The following RNF220 variants were observed in gnomAD, a reference collection of about 807,000 sequenced individuals.
RNF220 encodes ring finger protein 220.
Under a neutral mutation model 67.1 loss-of-function variants are expected in RNF220, and 7 were observed. The ratio of observed to expected loss-of-function variants is 0.10; its 90% CI spans 0.06 to 0.20. The LOEUF is 0.20. Ranked by LOEUF, RNF220 falls within the 10% of genes least tolerant of loss-of-function variation. The pLI is 1.00. For synonymous variants in RNF220, 270 were observed against 283.2 expected (o/e 0.95, Z 0.47); for missense variants, 565 against 740.3 (o/e 0.76, Z 2.75).
chr1:44,559,216 C>A (rs958009278), intron 2 of RNF220, among the ~76,000 whole-genome samples: 4 of 152,234 alleles, frequency 2.6e-5, no homozygotes, highest in African/African-American at 9.6e-5. Flanking sequence ...CCAACATCCC[C>A]CAGCCCCAGT....
intron 3 of RNF220, among the ~76,000 whole-genome samples, chr1:44,616,913 T>G (rs1304225921): frequency 6.6e-6 from 1 of 152,166 alleles, no homozygotes. Context: ...CATGCACTTC[T>G]GCCAACAGCC....
At chr1:44,587,404 C>G in intron 2 of RNF220, among the ~76,000 whole-genome samples, 1 of 152,196 alleles carries the variant, frequency 6.6e-6, no homozygotes, top group East Asian at 1.9e-4. Context: ...ACCTCAGCCT[C>G]CCAAATTGCT....
At chr1:44,422,640 G>T (rs1257179472) in intron 2 of RNF220, among the ~76,000 whole-genome samples, 1 of 152,220 alleles carries the variant, frequency 6.6e-6, no homozygotes, top group Non-Finnish European at 1.5e-5. Flanking sequence ...CCTATGAGAA[G>T]TTGAGTGACT....
chr1:44,580,484 T>C (rs1665190348), intron 2 of RNF220, among the ~76,000 whole-genome samples: 1 of 152,228 alleles, frequency 6.6e-6, no homozygotes, highest in South Asian at 2.1e-4. Flanking sequence ...ATCAAACCTT[T>C]TCTGTCTGAG....
chr1:44,520,994 C>G (rs538150424), intron 2 of RNF220, among the ~76,000 whole-genome samples: 1 of 152,292 alleles, frequency 6.6e-6, no homozygotes, highest in South Asian at 2.1e-4. Context: ...CTCCTGGGCT[C>G]AAAGGATCCT....
chr1:44,486,363 CAG>C (rs1253070466), intron 2 of RNF220, among the ~76,000 whole-genome samples: 1 of 152,226 alleles, frequency 6.6e-6, no homozygotes, highest in African/African-American at 2.4e-5. Context: ...GGGCAATAGA[CAG>C]AGGCTCATTC....
intron 5 of RNF220, chr1:44,631,968 A>G (rs1644144780): frequency 2.0e-6 from 2 of 996,264 alleles, no homozygotes; most frequent in Non-Finnish European, 2.4e-6. Context: ...TCACGTGATT[A>G]GGGCCAACAT....
intron 2 of RNF220, among the ~76,000 whole-genome samples, chr1:44,607,750 A>G (rs1444465708): frequency 6.6e-6 from 1 of 151,838 alleles, no homozygotes; most frequent in African/African-American, 2.4e-5. Context: ...CGGCCTCCCA[A>G]AGTGCTGGGA....
At chr1:44,456,400 T>C (rs538090229) in intron 2 of RNF220, among the ~76,000 whole-genome samples, 3 of 152,330 alleles carry the variant, frequency 2.0e-5, no homozygotes, top group South Asian at 4.1e-4. Context: ...GAAAGATCAT[T>C]CACTTTTCAG....
At chr1:44,535,769 G>C (rs1279929620) in intron 2 of RNF220, among the ~76,000 whole-genome samples, 4 of 152,214 alleles carry the variant, frequency 2.6e-5, no homozygotes, top group African/African-American at 9.6e-5. Context: ...AGGTCTGGGA[G>C]ATTGTATGGG....
At chr1:44,596,573 A>AG (rs1666508168) in intron 2 of RNF220, among the ~76,000 whole-genome samples, 1 of 152,126 alleles carries the variant, frequency 6.6e-6, no homozygotes, top group Non-Finnish European at 1.5e-5. Context: ...AAAAAAAAAA[A>AG]TAGTACAGTG....
At chr1:44,582,728 G>T (rs542283517) in intron 2 of RNF220, among the ~76,000 whole-genome samples, 75 of 145,942 alleles carry the variant, frequency 5.1e-4, no homozygotes, top group African/African-American at 1.8e-3. Flanking sequence ...CTGCACTCCA[G>T]CCTGGCCAAC....
Position 44,649,988 on chromosome 1 carries a change from GGCC to G in RNF220, c.1629+34_1629+36del, listed in dbSNP as rs1363641388. 1 of 1,605,062 alleles carries G rather than the reference GGCC, an allele frequency of 6.2e-7. No individual in the cohort carries two copies. Among genetic ancestry groups the G allele is most frequent in the Admixed American group, 1.7e-5 (1 of 59,816 alleles). ...GTGGCATGGGGGTCGGGGAATGGGA[GGCC>G]GCTCCGGGCACTGCCCAGATGTCTG... is the stretch of plus-strand genomic sequence containing the variant. On this transcript the variant is annotated intron_variant, in intron 14 of 14. Coordinates refer to ENST00000361799, the MANE Select transcript of RNF220 (RefSeq NM_018150.4). The surrounding 1 kb of genome is among the most constrained non-coding windows in gnomAD (Gnocchi z 5.9).
intron 2 of RNF220, among the ~76,000 whole-genome samples, chr1:44,415,504 TACACAC>T (rs386366838): frequency 1.3e-5 from 2 of 150,854 alleles, no homozygotes; most frequent in South Asian, 2.1e-4. Context: ...ATGGTTGATA[TACACAC>T]ACACACACAC....
Position 44,621,792 on chromosome 1 carries a change from T to G in RNF220, c.759-950T>G, listed in dbSNP as rs1643806067. Among the ~76,000 whole-genome samples, 1 of 152,230 alleles carries G rather than the reference T, an allele frequency of 6.6e-6. No individual in the cohort carries two copies. Among genetic ancestry groups the G allele is most frequent in the Non-Finnish European group, 1.5e-5 (1 of 68,044 alleles). On this transcript the variant is annotated intron_variant, in intron 3 of 14. Coordinates refer to ENST00000361799, the MANE Select transcript of RNF220 (RefSeq NM_018150.4). The surrounding 1 kb of genome is among the most constrained non-coding windows in gnomAD (Gnocchi z 4.8). ...TCTGCTTTCCGGGTATATCTGCAGG[T>G]GTGCTGTACGTTATACCTCATATGT...
intron 2 of RNF220, among the ~76,000 whole-genome samples, chr1:44,497,388 G>A (rs111230319): frequency 8.1e-4 from 123 of 151,414 alleles, no homozygotes; most frequent in African/African-American, 3.0e-3. Context: ...GTTAATACCT[G>A]GTCATTCTGT....
intron 5 of RNF220, 174 bp from the exon 6 acceptor site, chr1:44,632,169 G>A: frequency 6.4e-7 from 1 of 1,560,594 alleles, no homozygotes; most frequent in Non-Finnish European, 8.7e-7. Flanking sequence ...CGAGAGCCCG[G>A]AGCGGCCGGA....
intron 2 of RNF220, among the ~76,000 whole-genome samples, chr1:44,492,480 A>G (rs535600167): frequency 6.6e-6 from 1 of 152,262 alleles, no homozygotes; most frequent in Non-Finnish European, 1.5e-5. Flanking sequence ...GCATAGAAGT[A>G]TTATTCATGA....
chr1:44,528,689 A>G (rs532236739), intron 2 of RNF220, among the ~76,000 whole-genome samples: 136 of 147,242 alleles, frequency 9.2e-4, no homozygotes, highest in Non-Finnish European at 1.6e-3. Flanking sequence ...ATTTTGGCTT[A>G]CTGCAACCTC....
Sources: allele counts gnomAD v4.1 joint callset (sites outside exome capture counted in the v4.1 genomes callset), GRCh38; gene constraint gnomAD v4.1.1; non-coding constraint Gnocchi (gnomAD v3.1); transcripts MANE v1.5; gene names NCBI Gene and HGNC (gene_info 2026-07-23, HGNC 2026-07-21).